SYT1: variants seen among roughly 807,000 people sequenced by gnomAD.
SYT1 encodes the protein synaptotagmin 1, also known as synaptotagmin-1.
In SYT1, 8 loss-of-function variants were observed where a neutral mutation model predicts 44.8. That is an observed-to-expected ratio of 0.18 (90% confidence interval 0.10 to 0.32). The LOEUF is 0.32. Ranked by LOEUF, SYT1 falls within the 10% of genes least tolerant of loss-of-function variation. SYT1 has a pLI of 1.00. For synonymous variants in SYT1, 154 were observed against 188.8 expected (o/e 0.82, Z 1.51); for missense variants, 286 against 509.3 (o/e 0.56, Z 4.22).
intron 2 of SYT1, among the ~76,000 whole-genome samples, chr12:78,991,533 A>G (rs1325641030): frequency 2.0e-5 from 3 of 152,280 alleles, no homozygotes; most frequent in Admixed American, 6.5e-5. Flanking sequence ...AAAAGTAAAC[A>G]TTGATTTGTA....
chr12:79,239,410 C>T (rs1876370512), intron 4 of SYT1, among the ~76,000 whole-genome samples: 1 of 152,136 alleles, frequency 6.6e-6, no homozygotes, highest in Non-Finnish European at 1.5e-5. Context: ...AATGTGGTGT[C>T]CTGGAACAGA....
chr12:79,298,141 C>T (rs1210086764), intron 7 of SYT1, among the ~76,000 whole-genome samples: 1 of 152,018 alleles, frequency 6.6e-6, no homozygotes, highest in Non-Finnish European at 1.5e-5. Context: ...GACTGTTGCT[C>T]TTTGAGTACA....
intron 4 of SYT1, among the ~76,000 whole-genome samples, chr12:79,261,514 G>A (rs1187855147): frequency 6.6e-6 from 1 of 152,100 alleles, no homozygotes; most frequent in African/African-American, 2.4e-5. Flanking sequence ...ATTTTTAAGA[G>A]AAGCAAATCA....
intron 1 of SYT1, among the ~76,000 whole-genome samples, chr12:78,936,379 C>T (rs1288461808): frequency 1.3e-5 from 2 of 152,086 alleles, no homozygotes; most frequent in Non-Finnish European, 2.9e-5. Flanking sequence ...GACTTGTGTG[C>T]TTCCTACTAT....
intron 4 of SYT1, among the ~76,000 whole-genome samples, chr12:79,238,405 G>A (rs953364223): frequency 2.0e-5 from 3 of 152,182 alleles, no homozygotes; most frequent in Admixed American, 2.0e-4. Context: ...TGAAAAGAGG[G>A]CCAGTGGATT....
At chr12:79,191,808 A>G (rs1008871658) in intron 3 of SYT1, among the ~76,000 whole-genome samples, 3 of 152,148 alleles carry the variant, frequency 2.0e-5, no homozygotes, top group African/African-American at 7.2e-5. Flanking sequence ...TTGCTGGTCT[A>G]GTATGGAATA....
intron 3 of SYT1, among the ~76,000 whole-genome samples, chr12:79,084,952 A>C (rs1243137787): frequency 6.6e-6 from 1 of 152,160 alleles, no homozygotes; most frequent in East Asian, 1.9e-4. Context: ...ATAAAGGGAT[A>C]TCTTGGGTTT....
intron 3 of SYT1, among the ~76,000 whole-genome samples, chr12:79,206,948 G>A (rs1336889900): frequency 1.3e-5 from 2 of 152,238 alleles, no homozygotes; most frequent in African/African-American, 2.4e-5. Context: ...GGATCAGATA[G>A]CCATACTGGA....
intron 3 of SYT1, among the ~76,000 whole-genome samples, chr12:79,175,576 A>G (rs1029569185): frequency 2.2e-4 from 33 of 152,094 alleles, no homozygotes; most frequent in African/African-American, 7.2e-4. Context: ...GGCACACTCA[A>G]ACTTTTGGTG....
At chr12:79,386,264 A>T (rs1211856116) in intron 9 of SYT1, among the ~76,000 whole-genome samples, 1 of 152,166 alleles carries the variant, frequency 6.6e-6, no homozygotes, top group East Asian at 1.9e-4. Flanking sequence ...CACAATTATA[A>T]GATTCCTTTG....
chr12:79,165,289 A>T (rs1035685924), intron 3 of SYT1, among the ~76,000 whole-genome samples: 4 of 152,004 alleles, frequency 2.6e-5, no homozygotes, highest in African/African-American at 9.7e-5. Context: ...TTGATTAATT[A>T]CATAGCTTAT....
At chr12:79,386,949 G>A (rs1466470773) in intron 9 of SYT1, among the ~76,000 whole-genome samples, 3 of 152,094 alleles carry the variant, frequency 2.0e-5, no homozygotes, top group African/African-American at 7.2e-5. Context: ...TCTATGGGAA[G>A]AATAACCTAC....
chr12:79,299,504 C>T lies in SYT1; in HGVS notation c.763C>T (p.His255Tyr). Residue 255 changes from histidine (H) to tyrosine (Y), a missense_variant, in exon 8 of 11, where the codon CAT becomes TAT. Transcript: ENST00000261205. ...CCCTATGAACACAGTGGATTTTGGC[C>T]ATGTAACTGAGGAATGGCGTGACCT... ...KVPMNTVDFG[H>Y]VTEEWRDLQS... The T allele has an allele frequency of 6.2e-7, 1 of 1,613,376 alleles. No homozygotes were observed. Among genetic ancestry groups the T allele is most frequent in the Non-Finnish European group, 8.5e-7 (1 of 1,179,544 alleles).
At chr12:79,422,786 T>A (rs1293522154) in intron 9 of SYT1, among the ~76,000 whole-genome samples, 1 of 152,072 alleles carries the variant, frequency 6.6e-6, no homozygotes, top group Non-Finnish European at 1.5e-5. Context: ...TAGGATTTTT[T>A]AAAATCATTC....
At chr12:79,442,550 G>A (rs565352350) in intron 9 of SYT1, among the ~76,000 whole-genome samples, 1 of 152,106 alleles carries the variant, frequency 6.6e-6, no homozygotes, top group Non-Finnish European at 1.5e-5. Context: ...CTGGGGTAGT[G>A]GGAAAAAGTC....
intron 8 of SYT1, among the ~76,000 whole-genome samples, chr12:79,317,606 A>G (rs1372499475): frequency 3.3e-5 from 5 of 152,196 alleles, no homozygotes; most frequent in East Asian, 3.9e-4. Context: ...TCTACTCACA[A>G]CTTTAAAATG....
At chr12:79,287,446 A>G (rs966198038) in intron 5 of SYT1, among the ~76,000 whole-genome samples, 1 of 152,136 alleles carries the variant, frequency 6.6e-6, no homozygotes, top group East Asian at 1.9e-4. Context: ...CTTGATAAAG[A>G]TTTCTTTAAA....
intron 4 of SYT1, among the ~76,000 whole-genome samples, chr12:79,261,482 G>C (rs1277601337): frequency 1.3e-5 from 2 of 151,990 alleles, no homozygotes; most frequent in Non-Finnish European, 2.9e-5. Context: ...AGATTGCATT[G>C]GTCCAATTTT....
At chr12:79,134,693 C>T (rs965577781) in intron 3 of SYT1, among the ~76,000 whole-genome samples, 3 of 152,078 alleles carry the variant, frequency 2.0e-5, no homozygotes, top group African/African-American at 4.8e-5. Context: ...TTATTCTAAG[C>T]TTACCTCAGA....
Sources: gnomAD v4.1 joint callset for allele counts (sites outside exome capture counted in the v4.1 genomes callset) on GRCh38, gnomAD v4.1.1 for gene constraint, MANE v1.5 for transcripts, NCBI Gene and HGNC (gene_info 2026-07-23, HGNC 2026-07-21) for gene names.